Variants in ARHGAP15 observed in about 807,000 individuals in gnomAD.
ARHGAP15 encodes rho GTPase-activating protein 15.
Under a neutral mutation model 63.7 loss-of-function variants are expected in ARHGAP15, and 51 were observed. The ratio of observed to expected loss-of-function variants is 0.80; its 90% confidence interval spans 0.64 to 1.01. ARHGAP15 has a LOEUF of 1.01. Among genes scored for constraint, ARHGAP15 ranks in the 50% least tolerant of loss-of-function variants. The pLI is 0.00. For synonymous variants in ARHGAP15, 191 were observed against 193.8 expected (o/e 0.99, Z 0.12); for missense variants, 560 against 564.6 (o/e 0.99, Z 0.08).
intron 13 of ARHGAP15, among the ~76,000 whole-genome samples, chr2:143,713,381 G>T (rs1684670464): frequency 6.6e-6 from 1 of 152,132 alleles, no homozygotes; most frequent in Non-Finnish European, 1.5e-5. Context: ...ACCTCCCGCT[G>T]GGTCCCTCCC....
chr2:143,613,747 A>AT (rs1698349039), intron 11 of ARHGAP15, among the ~76,000 whole-genome samples: 1 of 151,978 alleles, frequency 6.6e-6, no homozygotes, highest in African/African-American at 2.4e-5. Flanking sequence ...TTTTAAAAGC[A>AT]TTTTTTTCCA....
intron 6 of ARHGAP15, among the ~76,000 whole-genome samples, chr2:143,345,886 TG>T (rs1685250198): frequency 6.6e-6 from 1 of 152,072 alleles, no homozygotes. Context: ...GCCATCTCAG[TG>T]AACGGAGATC....
chr2:143,532,269 C>T lies in ARHGAP15; in HGVS notation c.925+12905C>T, dbSNP rs560382147. Among the ~76,000 whole-genome samples, 3 of 152,302 alleles carry T rather than the reference C, an allele frequency of 2.0e-5. No homozygotes were observed. The South Asian group carries it at 6.2e-4, about 32-fold the overall frequency. ...ATAAGCTTTAATGGGAATTTCCTGC[C>T]AGCACCTGTTACAGTATAGAGTTCT... On this transcript the variant is annotated intron_variant, in intron 10 of 13. Transcript: ENST00000295095.
At chr2:143,519,459 C>T (rs1391138842) in intron 10 of ARHGAP15, 95 bp downstream of exon 10, 48 of 948,028 alleles carry the variant, frequency 5.1e-5, no homozygotes, top group African/African-American at 1.0e-4. Flanking sequence ...GTCTGAGAAG[C>T]CATGCAATTA....
chr2:143,211,726 T>C (rs1380705333), intron 3 of ARHGAP15, among the ~76,000 whole-genome samples: 1 of 152,104 alleles, frequency 6.6e-6, no homozygotes, highest in Non-Finnish European at 1.5e-5. Context: ...TCCAGAAAAC[T>C]CATATTTATC....
chr2:143,132,763 G>A lies in ARHGAP15; in HGVS notation c.-15+3297G>A, dbSNP rs999543768. On this transcript the variant is annotated intron_variant, in intron 1 of 13. Coordinates refer to ENST00000295095, the MANE Select transcript of ARHGAP15 (RefSeq NM_018460.4). ...CCTCAAAATTCTACTACGGAGTCAC[G>A]TATGGTCACATTTTAAACAGTCATT... Among the ~76,000 whole-genome samples the A allele has an allele frequency of 1.7e-4, 26 of 152,316 alleles. 1 individual carries two copies. The highest frequency in any genetic ancestry group is 1.0e-3 in the Admixed American group (16 of 15,304).
At chr2:143,497,689 G>C (rs780526618) in intron 9 of ARHGAP15, among the ~76,000 whole-genome samples, 7 of 152,216 alleles carry the variant, frequency 4.6e-5, no homozygotes, top group African/African-American at 7.2e-5. Context: ...CTAAGTACTA[G>C]ATGGTGATTT....
chr2:143,381,712 T>G (rs1687061029), intron 6 of ARHGAP15, among the ~76,000 whole-genome samples: 1 of 152,120 alleles, frequency 6.6e-6, no homozygotes, highest in Non-Finnish European at 1.5e-5. Context: ...CTTGTGTCTT[T>G]TTTCCCTTGC....
chr2:143,514,989 C>CTA (rs1693747359), intron 9 of ARHGAP15, among the ~76,000 whole-genome samples: 1 of 152,134 alleles, frequency 6.6e-6, no homozygotes, highest in South Asian at 2.1e-4. Context: ...ACTGCACACT[C>CTA]TATTGGGTGG....
intron 10 of ARHGAP15, among the ~76,000 whole-genome samples, chr2:143,549,150 T>C (rs1695456159): frequency 6.6e-6 from 1 of 152,128 alleles, no homozygotes; most frequent in Non-Finnish European, 1.5e-5. Context: ...AATAATATAA[T>C]AGTATCTTCC....
intron 6 of ARHGAP15, among the ~76,000 whole-genome samples, chr2:143,360,776 A>ATAC (rs1686014684): frequency 6.6e-6 from 1 of 152,218 alleles, no homozygotes; most frequent in African/African-American, 2.4e-5. Context: ...AAATAGCACA[A>ATAC]TACAGGTGAT....
chr2:143,571,781 A>C (rs1476094655), intron 11 of ARHGAP15: 1 of 152,196 alleles, frequency 6.6e-6, no homozygotes, highest in Non-Finnish European at 1.5e-5. Flanking sequence ...TCTGGCAGCC[A>C]TAAGGGGTTC....
At chr2:143,221,873 T>C (rs901681680) in intron 4 of ARHGAP15, among the ~76,000 whole-genome samples, 2 of 152,212 alleles carry the variant, frequency 1.3e-5, no homozygotes, top group Non-Finnish European at 2.9e-5. Flanking sequence ...TACTAGTGCC[T>C]GCTTTCATCC....
chr2:143,708,656 T>C (rs1684437688), intron 13 of ARHGAP15, among the ~76,000 whole-genome samples: 1 of 152,050 alleles, frequency 6.6e-6, no homozygotes, highest in South Asian at 2.1e-4. Flanking sequence ...GATAGTTTGC[T>C]AATGTGATCA....
chr2:143,205,260 A>G (rs906685949), intron 3 of ARHGAP15, among the ~76,000 whole-genome samples: 1 of 151,410 alleles, frequency 6.6e-6, no homozygotes, highest in Non-Finnish European at 1.5e-5. Context: ...AGAGATAAAA[A>G]AAAAAAAAAA....
At chr2:143,309,784 G>A (rs1683350852) in intron 6 of ARHGAP15, among the ~76,000 whole-genome samples, 1 of 151,838 alleles carries the variant, frequency 6.6e-6, no homozygotes, top group Non-Finnish European at 1.5e-5. Flanking sequence ...CCAACTAGAT[G>A]TTAGTGGAAT....
chr2:143,256,639 G>A (rs1680442020), intron 6 of ARHGAP15, among the ~76,000 whole-genome samples: 1 of 152,060 alleles, frequency 6.6e-6, no homozygotes, highest in East Asian at 1.9e-4. Context: ...CTCCCCTACT[G>A]AGGTATCAGT....
intron 11 of ARHGAP15, among the ~76,000 whole-genome samples, chr2:143,605,814 G>A (rs1213204299): frequency 2.3e-5 from 3 of 130,652 alleles, no homozygotes; most frequent in South Asian, 2.5e-4. Context: ...AGGAGTTCGC[G>A]AACAGCCTGG....
chr2:143,583,783 G>A (rs1427767414), intron 11 of ARHGAP15, among the ~76,000 whole-genome samples: 4 of 152,108 alleles, frequency 2.6e-5, no homozygotes, highest in Admixed American at 6.5e-5. Flanking sequence ...GGAGTTCTCC[G>A]AGGTTTTATG....
Sources: gnomAD v4.1 joint callset for allele counts (sites outside exome capture counted in the v4.1 genomes callset) on GRCh38, gnomAD v4.1.1 for gene constraint, MANE v1.5 for transcripts, NCBI Gene and HGNC (gene_info 2026-07-23, HGNC 2026-07-21) for gene names.